The following PHF21A variants were observed in gnomAD, a reference collection of about 807,000 sequenced individuals.
PHF21A encodes the protein PHD finger protein 21A.
Under a neutral mutation model 82.5 loss-of-function variants are expected in PHF21A, and 11 were observed. The ratio of observed to expected loss-of-function variants is 0.13; its 90% CI spans 0.08 to 0.22. The LOEUF (loss-of-function observed/expected upper bound fraction) is 0.22. PHF21A is among the 10% of genes least tolerant of loss of function. The pLI, the probability that PHF21A is intolerant of heterozygous loss-of-function variation, is 1.00. For missense variants in PHF21A, 579 were observed against 837.8 expected (o/e 0.69, Z 3.81); for synonymous variants, 297 against 302.8 (o/e 0.98, Z 0.20).
In PHF21A at chr11:45,930,854, A is replaced by G. The variant is rs915508073; in HGVS notation, c.*3114T>C. 46 of 144,576 alleles carry G rather than the reference A, an allele frequency of 3.2e-4. No individual in the cohort carries two copies. The highest frequency in any genetic ancestry group is 5.7e-4 in the Non-Finnish European group (38 of 66,430). The allele number at this position is 144,576 out of a possible 1,614,324, so 9.0% of individuals were successfully genotyped here. A position where few individuals can be genotyped will look rare whatever the true frequency, so the allele number is the denominator to read the frequency against. ...GAGGGAAGGAGGAGGAAGCAAGTGG[A>G]GGTGGCTGGGGTGGGGCAGTGTCAC... On this transcript the variant is annotated 3_prime_UTR_variant, in exon 19 of 19. Transcript: ENST00000676320.
chr11:46,035,836 T>C (rs1400073601), intron 6 of PHF21A, among the ~76,000 whole-genome samples: 1 of 151,690 alleles, frequency 6.6e-6, no homozygotes, highest in Non-Finnish European at 1.5e-5. Context: ...AAAAGAGAGG[T>C]TGGAGAAAGT....
chr11:45,950,005 C>A (rs1028168989), intron 12 of PHF21A, among the ~76,000 whole-genome samples: 9 of 152,060 alleles, frequency 5.9e-5, no homozygotes, highest in African/African-American at 2.2e-4. Context: ...GAGGTTTTCC[C>A]AGGACAGTAG....
chr11:46,010,482 C>T (rs1263674941), intron 6 of PHF21A, among the ~76,000 whole-genome samples: 1 of 152,172 alleles, frequency 6.6e-6, no homozygotes, highest in Non-Finnish European at 1.5e-5. Flanking sequence ...ATCTTTGTTT[C>T]CTGACTCTAA....
chr11:45,984,202 G>A (rs2094414647), intron 6 of PHF21A, among the ~76,000 whole-genome samples: 2 of 152,178 alleles, frequency 1.3e-5, no homozygotes, highest in Admixed American at 1.3e-4. Flanking sequence ...AACAAAGACG[G>A]AAGGGAGAGA....
At chr11:46,039,209 C>T (rs549275517) in intron 6 of PHF21A, among the ~76,000 whole-genome samples, 1 of 152,052 alleles carries the variant, frequency 6.6e-6, no homozygotes, top group Non-Finnish European at 1.5e-5. Context: ...ACTAATGAAA[C>T]GTTTAAAAAG....
At chr11:45,985,904 C>T (rs1420152138) in intron 6 of PHF21A, among the ~76,000 whole-genome samples, 1 of 151,926 alleles carries the variant, frequency 6.6e-6, no homozygotes, top group Admixed American at 6.6e-5. Context: ...TTATATAGTA[C>T]AAATAAACAA....
chr11:46,032,037 C>G (rs1339689192), intron 6 of PHF21A, among the ~76,000 whole-genome samples: 1 of 152,130 alleles, frequency 6.6e-6, no homozygotes, highest in African/African-American at 2.4e-5. Context: ...AGTCAAAGCC[C>G]AACTCTTAAG....
At chr11:45,962,622 T>C (rs1332718377) in intron 10 of PHF21A, among the ~76,000 whole-genome samples, 1 of 149,290 alleles carries the variant, frequency 6.7e-6, no homozygotes, top group Non-Finnish European at 1.5e-5. Flanking sequence ...CCAGGCGTGG[T>C]GGCTCATGCC....
intron 3 of PHF21A, among the ~76,000 whole-genome samples, chr11:46,086,535 C>T (rs1037987651): frequency 2.0e-5 from 3 of 152,164 alleles, no homozygotes; most frequent in Non-Finnish European, 4.4e-5. Context: ...ACCTGCAATA[C>T]TAAAGTTAAA....
chr11:46,027,516 G>A (rs1051564507), intron 6 of PHF21A, among the ~76,000 whole-genome samples: 3 of 152,208 alleles, frequency 2.0e-5, no homozygotes, highest in Non-Finnish European at 4.4e-5. Context: ...GAATGCAGAT[G>A]CCTGCACAGG....
At chr11:46,064,699 T>C (rs2096574929) in intron 6 of PHF21A, among the ~76,000 whole-genome samples, 1 of 152,190 alleles carries the variant, frequency 6.6e-6, no homozygotes, top group Non-Finnish European at 1.5e-5. Context: ...ATATTCAACA[T>C]TTTAAAAAGG....
intron 6 of PHF21A, among the ~76,000 whole-genome samples, chr11:46,033,274 G>A (rs1460624381): frequency 6.6e-6 from 1 of 152,038 alleles, no homozygotes; most frequent in Admixed American, 6.6e-5. Flanking sequence ...TAGTATTATT[G>A]TTGTTGTTGA....
chr11:46,087,890 T>A (rs1162499367), intron 3 of PHF21A, among the ~76,000 whole-genome samples: 1 of 152,110 alleles, frequency 6.6e-6, no homozygotes, highest in Non-Finnish European at 1.5e-5. Context: ...TGAGTAGCTG[T>A]GACTACAGGT....
chr11:46,047,327 A>C (rs1423500435), intron 6 of PHF21A, among the ~76,000 whole-genome samples: 1 of 152,212 alleles, frequency 6.6e-6, no homozygotes, highest in Middle Eastern at 3.2e-3. Context: ...TGAAAACATG[A>C]AAGAAAGGGA....
intron 6 of PHF21A, among the ~76,000 whole-genome samples, chr11:46,052,524 AG>A (rs2096384196): frequency 1.3e-5 from 2 of 152,124 alleles, no homozygotes; most frequent in Non-Finnish European, 1.5e-5. Context: ...AACTCTGAGA[AG>A]AAAAAAAAAA....
At chr11:46,081,143 T>C (rs1421297474) in intron 4 of PHF21A, among the ~76,000 whole-genome samples, 2 of 152,226 alleles carry the variant, frequency 1.3e-5, no homozygotes, top group Non-Finnish European at 2.9e-5. Flanking sequence ...TTATTCTAAT[T>C]AATCAAAAGT....
At chr11:46,063,377 T>C (rs562855038) in intron 6 of PHF21A, among the ~76,000 whole-genome samples, 6 of 152,200 alleles carry the variant, frequency 3.9e-5, no homozygotes, top group Non-Finnish European at 8.8e-5. Flanking sequence ...GCAAACTTTC[T>C]AAAAATAACC....
intron 10 of PHF21A, among the ~76,000 whole-genome samples, chr11:45,956,366 AT>A (rs1224544484): frequency 6.6e-6 from 1 of 152,224 alleles, no homozygotes; most frequent in East Asian, 1.9e-4. Context: ...TGGGCACACA[AT>A]GTATAAGATA....
At chr11:46,068,907 T>G (rs577967605) in intron 6 of PHF21A, among the ~76,000 whole-genome samples, 1 of 152,310 alleles carries the variant, frequency 6.6e-6, no homozygotes, top group South Asian at 2.1e-4. Flanking sequence ...CATACTCAGG[T>G]AAAATGCCCT....
Sources: gnomAD v4.1 joint callset for allele counts (sites outside exome capture counted in the v4.1 genomes callset) on GRCh38, gnomAD v4.1.1 for gene constraint, MANE v1.5 for transcripts, NCBI Gene and HGNC (gene_info 2026-07-23, HGNC 2026-07-21) for gene names.